Variants in TENT5A observed in about 807,000 individuals in gnomAD.
The protein encoded by TENT5A is HBV X-transactivated gene 11 protein.
In TENT5A, 9 loss-of-function variants were observed where a neutral mutation model predicts 30.2. That is an observed-to-expected ratio of 0.30 (90% CI 0.18 to 0.52). TENT5A has a LOEUF of 0.52. TENT5A is among the 20% of genes least tolerant of loss of function. The pLI, the probability that TENT5A is intolerant of heterozygous loss-of-function variation, is 0.97. For missense variants in TENT5A, 411 were observed against 566.1 expected, an observed-to-expected ratio of 0.73 and a Z score of 2.78; for synonymous variants, 264 against 234.2, an observed-to-expected ratio of 1.13 and a Z score of -1.16.
rs548850600 is a variant in TENT5A at position 81,749,763 on chromosome 6, T to A, written c.1261A>T (p.Ile421Phe). The part of the protein sequence containing the change: ...VADANFSNYY[I>F]AQVQPVFTCQ... Reference sequence around the variant, plus strand: ...GTGAATACTGGCTGAACCTGTGCAATGTAGTAATTGCTAAAGTTGGCATCT... The same window carrying A: ...GTGAATACTGGCTGAACCTGTGCAAAGTAGTAATTGCTAAAGTTGGCATCT... The change falls in exon 3 of 3, where the codon ATT becomes TTT. Residue 421 changes from isoleucine (I) to phenylalanine (F), a missense_variant. Ile to Phe is a conservative substitution (Grantham distance 21). This residue lies in a region of TENT5A where 75 missense variants were observed against 80.9 expected (regional missense o/e 0.93). Coordinates refer to ENST00000320172, the MANE Select transcript of TENT5A (RefSeq NM_017633.3). 2 of 1,613,986 alleles carry A rather than the reference T, an allele frequency of 1.2e-6. No homozygotes were observed. The highest frequency in any genetic ancestry group is 1.3e-5 in the African/African-American group (1 of 74,888).
rs1256193837 is a variant in TENT5A at position 81,747,796 on chromosome 6, A to T, written c.*1899T>A. 1 of 985,748 alleles carries T rather than the reference A, an allele frequency of 1.0e-6. No individual in the cohort carries two copies. The highest frequency in any genetic ancestry group is 1.2e-6 in the Non-Finnish European group (1 of 829,928). 61.1% of individuals were successfully genotyped at this position (985,748 alleles called of 1,614,324 possible). On this transcript the variant is annotated 3_prime_UTR_variant, in exon 3 of 3. Coordinates refer to ENST00000320172, the MANE Select transcript of TENT5A (RefSeq NM_017633.3). ...TTTTGTTTTTAACAAATGCATTTTC[A>T]GAGACCAGTATCTAGAGGAACTACT... is the stretch of plus-strand genomic sequence containing the variant.
rs41270569 is a variant in TENT5A, at chr6:81,746,866, A to G, written c.*2829T>C. 9.0e-7 allele frequency: 1 copy of G among 1,110,058 alleles called. No homozygotes were observed. The highest frequency in any genetic ancestry group is 1.1e-6 in the Non-Finnish European group (1 of 911,254). The allele number at this position is 1,110,058 out of a possible 1,614,324, so 68.8% of individuals were successfully genotyped here. On this transcript the variant is annotated 3_prime_UTR_variant, in exon 3 of 3. Coordinates refer to ENST00000320172, the MANE Select transcript of TENT5A (RefSeq NM_017633.3). ...TATATTTCACTGTGTGTTCAACTAC[A>G]TATGCACAAGACTATAGTACACACA...
rs1768996713 is a variant in TENT5A at position 81,749,907 on chromosome 6, C to A, written c.1117G>T (p.Glu373Ter). 6.2e-7 allele frequency: 1 copy of A among 1,614,026 alleles called. No homozygotes were observed. Among genetic ancestry groups the A allele is most frequent in the Admixed American group, 1.7e-5 (1 of 60,014 alleles). Residue 373 changes from glutamate (E) to a stop codon, truncating the protein, a stop_gained, in exon 3 of 3, where the codon GAA (glutamate) becomes TAA (stop). Transcript: ENST00000320172. LOFTEE classifies it high-confidence loss of function. ...NESTVCLMGHERRQTLNLITM... is the reference protein window; with the variant it reads ...NESTVCLMGH ...ATAAGGTTTAAAGTCTGTCTTCTTT[C>A]ATGTCCCATCAGGCACACTGTGCTC...
Position 81,750,782 on chromosome 6 carries a change from T to A in TENT5A, c.553-311A>T, listed in dbSNP as rs527888077. 7.2e-5 allele frequency among the ~76,000 whole-genome samples: 11 copies of A among 152,330 alleles called. No homozygotes were observed. The South Asian group carries it at 2.3e-3, about 32-fold the overall frequency. On this transcript the variant is annotated intron_variant, in intron 2 of 2. Transcript: ENST00000320172. The surrounding 1 kb of genome is among the most constrained non-coding windows in gnomAD (Gnocchi z 4.2). ...GTGTTACTTTTTGAAAACGGTCTAA[T>A]AGGCACAATATTCACACAGTATCCA... is the stretch of plus-strand genomic sequence containing the variant.
At position 81,747,838 on chromosome 6, in the gene TENT5A, G is replaced by C; in HGVS notation, c.*1857C>G. On this transcript the variant is annotated 3_prime_UTR_variant, in exon 3 of 3. Coordinates refer to ENST00000320172, the MANE Select transcript of TENT5A (RefSeq NM_017633.3). ...GGAACTACTGGCTAGGAGAAAGGGT[G>C]GTTTTAGGATTAGCTGTTATTGAAC... 1 of 985,760 alleles carries C rather than the reference G, an allele frequency of 1.0e-6. No individual in the cohort carries two copies. The highest frequency in any genetic ancestry group is 5.2e-4 in the Middle Eastern group (1 of 1,914). The allele number at this position is 985,760 out of a possible 1,614,324, so 61.1% of individuals were successfully genotyped here. A position where few individuals can be genotyped will look rare whatever the true frequency, so the allele number is the denominator to read the frequency against.
In TENT5A at chr6:81,746,829, C is replaced by T; in HGVS notation, c.*2866G>A. The T allele has an allele frequency of 8.6e-7, 1 of 1,164,138 alleles. No individual in the cohort carries two copies. Among genetic ancestry groups the T allele is most frequent in the Non-Finnish European group, 1.1e-6 (1 of 945,760 alleles). 72.1% of individuals were successfully genotyped at this position (1,164,138 alleles called of 1,614,324 possible). ...TTCAAATTTTTAGGCCGCACATCCA[C>T]AAAGAGAGACATATATTTCACTGTG... is the stretch of plus-strand genomic sequence containing the variant. On this transcript the variant is annotated 3_prime_UTR_variant, in exon 3 of 3. Coordinates refer to ENST00000320172, the MANE Select transcript of TENT5A (RefSeq NM_017633.3).
At position 81,751,963 on chromosome 6, in the gene TENT5A, G is replaced by A; in HGVS notation, c.179C>T (p.Thr60Met). The A allele has an allele frequency of 6.3e-7, 1 of 1,591,998 alleles. No homozygotes were observed. Among genetic ancestry groups the A allele is most frequent in the Non-Finnish European group, 8.6e-7 (1 of 1,168,154 alleles). Residue 60 changes from threonine (T) to methionine (M), a missense_variant, in exon 2 of 3, where the codon ACG becomes ATG. This residue lies in a region of TENT5A where 157 missense variants were observed against 183.2 expected (regional missense o/e 0.86). Coordinates refer to ENST00000320172, the MANE Select transcript of TENT5A (RefSeq NM_017633.3). ...GHCLDYCESP[T>M]AHCNVLNWEQ... ...CCAGTTCAGCACATTGCAGTGCGCC[G>A]TAGGGCTTTCGCAATAGTCCAAGCA...
Position 81,752,064 on chromosome 6 carries a change from G to A in TENT5A, c.78C>T (p.Asp26=), listed in dbSNP as rs1769054168. 2 of 1,592,534 alleles carry A rather than the reference G, an allele frequency of 1.3e-6. No homozygotes were observed. The highest frequency in any genetic ancestry group is 1.7e-6 in the Non-Finnish European group (2 of 1,170,698). The change falls in exon 2 of 3, where the codon GAC becomes GAT. Residue 26 remains aspartate, a synonymous_variant. Transcript: ENST00000320172. Reference sequence around the variant, plus strand: ...CGCCGCCGAAGTCGCCGCCGCCGAAGTCGCCGCCTAGGGGGATGTAGGGGC... The same window carrying A: ...CGCCGCCGAAGTCGCCGCCGCCGAAATCGCCGCCTAGGGGGATGTAGGGGC... ...ACSPYIPLGG[D]FGGGDFGGGD... is the part of the protein sequence containing the mutation.
chr6:81,749,216 T>C lies in TENT5A; in HGVS notation c.*479A>G. On this transcript the variant is annotated 3_prime_UTR_variant, in exon 3 of 3. Transcript: ENST00000320172. ...TAATCCCAACGTTGGAGTTCCCCTT[T>C]TTCCTGTATTGTTACTATTAATATC... is the stretch of plus-strand genomic sequence containing the variant. 1 of 986,504 alleles carries C rather than the reference T, an allele frequency of 1.0e-6. No homozygotes were observed. Among genetic ancestry groups the C allele is most frequent in the Non-Finnish European group, 1.2e-6 (1 of 830,408 alleles). 61.1% of individuals were successfully genotyped at this position (986,504 alleles called of 1,614,324 possible). A position where few individuals can be genotyped will look rare whatever the true frequency, so the allele number is the denominator to read the frequency against.
At position 81,752,621 on chromosome 6, in the gene TENT5A, C is replaced by T; in HGVS notation, c.-228G>A. 1.4e-6 allele frequency: 1 copy of T among 727,052 alleles called. No homozygotes were observed. Among genetic ancestry groups the T allele is most frequent in the Non-Finnish European group, 2.5e-6 (1 of 394,006 alleles). The allele number at this position is 727,052 out of a possible 1,614,324, so 45.0% of individuals were successfully genotyped here. On this transcript the variant is annotated 5_prime_UTR_variant, in exon 1 of 3. Transcript: ENST00000320172. ...CCGCTGCCACCCCAGCTGCGGTGGT[C>T]CCGAACTGGCGGCTCTTGCTGCCAC...
Position 81,748,470 on chromosome 6 carries a change from T to G in TENT5A, c.*1225A>C. 1 of 982,320 alleles carries G rather than the reference T, an allele frequency of 1.0e-6. No individual in the cohort carries two copies. The allele number at this position is 982,320 out of a possible 1,614,324, so 60.9% of individuals were successfully genotyped here. A position where few individuals can be genotyped will look rare whatever the true frequency, so the allele number is the denominator to read the frequency against. ...GAAATATATTACTTGGTTCCCTCCTTCATTTAATTTTTTTAGATGTGGATT... is the reference window on the plus strand; with the variant it reads ...GAAATATATTACTTGGTTCCCTCCTGCATTTAATTTTTTTAGATGTGGATT... On this transcript the variant is annotated 3_prime_UTR_variant, in exon 3 of 3. Coordinates refer to ENST00000320172, the MANE Select transcript of TENT5A (RefSeq NM_017633.3).
In TENT5A at chr6:81,746,732, C is replaced by T. The variant is rs917349897; in HGVS notation, c.*2963G>A. The T allele has an allele frequency of 9.0e-6, 11 of 1,224,824 alleles. No individual in the cohort carries two copies. The highest frequency in any genetic ancestry group is 3.1e-4 in the Middle Eastern group (1 of 3,186). 75.9% of individuals were successfully genotyped at this position (1,224,824 alleles called of 1,614,324 possible). On this transcript the variant is annotated 3_prime_UTR_variant, in exon 3 of 3. Transcript: ENST00000320172. ...CAGATAAACACAAAAGGAAACAAAT[C>T]ACAGGCGCTAATAGGGAGTCGGGAG...
Position 81,751,591 on chromosome 6 carries a change from T to C in TENT5A, c.551A>G (p.Lys184Arg). 2.5e-6 allele frequency: 4 copies of C among 1,603,480 alleles called. No homozygotes were observed. Among genetic ancestry groups the C allele is most frequent in the South Asian group, 1.1e-5 (1 of 89,004 alleles). ...NKEKITPLTL[K>R]EAYVQKMVKV... ...CAAGTGCATCTCGGGTGGTGTTACC[T>C]TGAGCGTGAGTGGTGTGATCTTCTC... Residue 184 changes from lysine to arginine, a missense_variant and splice_region_variant, in exon 2 of 3, where the codon AAG becomes AGG. Transcript: ENST00000320172.
Position 81,751,599 on chromosome 6 carries a change from G to A in TENT5A, c.543C>T (p.Leu181=). The A allele has an allele frequency of 6.2e-7, 1 of 1,608,178 alleles. No individual in the cohort carries two copies. Among genetic ancestry groups the A allele is most frequent in the Non-Finnish European group, 8.5e-7 (1 of 1,176,830 alleles). ...EGVNKEKITP[L]TLKEAYVQKM... is the part of the protein sequence containing the mutation. The stretch of plus-strand genomic sequence containing the variant: ...TCTCGGGTGGTGTTACCTTGAGCGT[G>A]AGTGGTGTGATCTTCTCTTTGTTCA... Residue 181 remains leucine (L), a synonymous_variant, in exon 2 of 3, where the codon CTC becomes CTT. Transcript: ENST00000320172.
chr6:81,749,685 T>C lies in TENT5A; in HGVS notation c.*10A>G. On this transcript the variant is annotated 3_prime_UTR_variant, in exon 3 of 3. Coordinates refer to ENST00000320172, the MANE Select transcript of TENT5A (RefSeq NM_017633.3). Reference sequence around the variant, plus strand: ...AAATGGCTTCCCCACAGGACATTTTTAAATGATTCTTAATTGCAGGGTAGC... The same window carrying C: ...AAATGGCTTCCCCACAGGACATTTTCAAATGATTCTTAATTGCAGGGTAGC... 4.4e-6 allele frequency: 7 copies of C among 1,606,088 alleles called. No homozygotes were observed. Among genetic ancestry groups the C allele is most frequent in the Non-Finnish European group, 6.0e-6 (7 of 1,174,708 alleles).
chr6:81,752,207 AGGACGCGCGGCGGCGG>A lies in TENT5A; in HGVS notation c.-37-45_-37-30del, dbSNP rs1769059684. The A allele has an allele frequency of 2.7e-6, 4 of 1,475,536 alleles. No homozygotes were observed. In the African/African-American group the frequency reaches 5.7e-5, roughly 21 times the overall value. 91.4% of individuals were successfully genotyped at this position (1,475,536 alleles called of 1,614,324 possible). Reference sequence around the variant, plus strand: ...AAAAGAAAGGGAAAGGAGCGCGGTGAGGACGCGCGGCGGCGGAGAGCACGCGCGGCGGCGGAGAGCA... The same window carrying A: ...AAAAGAAAGGGAAAGGAGCGCGGTGAAGAGCACGCGCGGCGGCGGAGAGCA... On this transcript the variant is annotated intron_variant, in intron 1 of 2. Coordinates refer to ENST00000320172, the MANE Select transcript of TENT5A (RefSeq NM_017633.3).
chr6:81,751,805 T>C lies in TENT5A; in HGVS notation c.337A>G (p.Ile113Val). 1.2e-6 allele frequency: 2 copies of C among 1,612,836 alleles called. No individual in the cohort carries two copies. The highest frequency in any genetic ancestry group is 1.7e-6 in the Non-Finnish European group (2 of 1,179,860). ...TTGAGGCGCACGTCGCGGACGCCAA[T>C]GCGCTTCTCGGCCAGGCGCCGCCGC... is the stretch of plus-strand genomic sequence containing the variant. ...VVRRRLAEKR[I>V]GVRDVRLNGS... The change falls in exon 2 of 3, where the codon ATT becomes GTT. Residue 113 changes from isoleucine to valine, a missense_variant. Physicochemically the swap from Ile to Val is conservative, Grantham distance 29. This residue lies in a region of TENT5A where 157 missense variants were observed against 183.2 expected (regional missense o/e 0.86). Coordinates refer to ENST00000320172, the MANE Select transcript of TENT5A (RefSeq NM_017633.3).
rs9341898 is a variant in TENT5A at position 81,751,449 on chromosome 6, A to T, written c.552+141T>A. ...GCACGTCAGTTTACTGGTTTAAAAA[A>T]TCAAAAATCAAAGAAATAACGCGCG... On this transcript the variant is annotated intron_variant, in intron 2 of 2. Transcript: ENST00000320172. 431 of 767,114 alleles carry T rather than the reference A, an allele frequency of 5.6e-4. 4 individuals carry two copies. In the East Asian group the frequency reaches 0.011, roughly 19 times the overall value. The allele number at this position is 767,114 out of a possible 1,614,324, so 47.5% of individuals were successfully genotyped here.
In TENT5A at chr6:81,752,075, G is replaced by C; in HGVS notation, c.67C>G (p.Leu23Val). ...TCGCCGCCGCCGAAGTCGCCGCCTA[G>C]GGGGATGTAGGGGCTGCAGGCCAGC... is the stretch of plus-strand genomic sequence containing the variant. ...DELACSPYIP[L>V]GGDFGGGDFG... Residue 23 changes from leucine to valine, a missense_variant, in exon 2 of 3, where the codon CTA (leucine) becomes GTA (valine). Coordinates refer to ENST00000320172, the MANE Select transcript of TENT5A (RefSeq NM_017633.3). The C allele has an allele frequency of 2.4e-6, 2 of 847,554 alleles. No homozygotes were observed. The highest frequency in any genetic ancestry group is 4.5e-5 in the South Asian group (2 of 44,284). The allele number at this position is 847,554 out of a possible 1,614,324, so 52.5% of individuals were successfully genotyped here.
Sources: allele counts gnomAD v4.1 joint callset (sites outside exome capture counted in the v4.1 genomes callset), GRCh38; gene constraint gnomAD v4.1.1; regional missense constraint gnomAD v4.1.1; non-coding constraint Gnocchi (gnomAD v3.1); transcripts MANE v1.5; gene names NCBI Gene and HGNC (gene_info 2026-07-23, HGNC 2026-07-21).